The following KCNQ1 variants were observed in gnomAD, a reference collection of about 807,000 sequenced individuals.
The protein encoded by KCNQ1 is potassium voltage-gated channel subfamily KQT member 1.
KCNQ1 carries 49 observed loss-of-function variants against 72.4 expected under a neutral mutation model. The ratio of observed to expected loss-of-function variants is 0.68; its 90% confidence interval spans 0.54 to 0.86. The LOEUF is 0.86. Among genes scored for constraint, KCNQ1 ranks in the 40% least tolerant of loss-of-function variants. The probability of loss-of-function intolerance (pLI) is 0.00; values close to 1 mark genes in which losing one functional copy is unlikely to be tolerated. For missense variants in KCNQ1, 790 were observed against 945.1 expected, an observed-to-expected ratio of 0.84 and a Z score of 2.15; for synonymous variants, 450 against 412.6, an observed-to-expected ratio of 1.09 and a Z score of -1.10.
chr11:2,507,698 G>A lies in KCNQ1; in HGVS notation c.387-20230G>A, dbSNP rs1444830450. Among the ~76,000 whole-genome samples the A allele has an allele frequency of 1.3e-5, 2 of 152,080 alleles. No homozygotes were observed. Among genetic ancestry groups the A allele is most frequent in the South Asian group, 2.1e-4 (1 of 4,830 alleles). On this transcript the variant is annotated intron_variant, in intron 1 of 15. Transcript: ENST00000155840. This position sits in a 1 kb window ranked among gnomAD's most constrained non-coding sequence, Gnocchi z 5.4. Reference sequence around the variant, plus strand: ...GGTGGGAGCTCTGGGGAGAGAGTGCGGGCTGGGCTCACAAGTTAGGGGAGG... The same window carrying A: ...GGTGGGAGCTCTGGGGAGAGAGTGCAGGCTGGGCTCACAAGTTAGGGGAGG...
chr11:2,843,934 G>A (rs1230223736), intron 15 of KCNQ1, among the ~76,000 whole-genome samples: 1 of 152,206 alleles, frequency 6.6e-6, no homozygotes. Context: ...TGGAGGCTGA[G>A]ATCCCCAAAA....
intron 11 of KCNQ1, among the ~76,000 whole-genome samples, chr11:2,740,935 T>G (rs1054583590): frequency 3.3e-5 from 5 of 152,238 alleles, no homozygotes; most frequent in African/African-American, 9.6e-5. Context: ...GATCAGCTGC[T>G]TGGCTGCCTG....
chr11:2,618,551 T>G lies in KCNQ1; in HGVS notation c.1393+29697T>G, dbSNP rs1849108940. On this transcript the variant is annotated intron_variant, in intron 10 of 15. Coordinates refer to ENST00000155840, the MANE Select transcript of KCNQ1 (RefSeq NM_000218.3). The stretch of plus-strand genomic sequence containing the variant: ...TTCTGGGCTCTCTATTCTGTTCCAC[T>G]GGTCTACATGTTTGTTTTTTATGCC... 2.5e-5 allele frequency: 10 copies of G among 398,620 alleles called. No individual in the cohort carries two copies. In the East Asian group the frequency reaches 3.6e-4, roughly 14 times the overall value. 24.7% of individuals were successfully genotyped at this position (398,620 alleles called of 1,614,324 possible).
At chr11:2,829,733 T>C (rs1173386718) in intron 15 of KCNQ1, among the ~76,000 whole-genome samples, 3 of 152,006 alleles carry the variant, frequency 2.0e-5, no homozygotes, top group Non-Finnish European at 2.9e-5. Flanking sequence ...ATGTGTAGTT[T>C]GGAAATGCCA....
intron 10 of KCNQ1, chr11:2,633,294 G>C (rs1849394604): frequency 5.0e-6 from 2 of 398,444 alleles, no homozygotes; most frequent in Non-Finnish European, 8.8e-6. Flanking sequence ...TTAATCCCTT[G>C]TCAGATGAAT....
intron 2 of KCNQ1, among the ~76,000 whole-genome samples, chr11:2,568,682 ACTGGAGCAGGTCCTGTT>A (rs1422623745): frequency 1.3e-5 from 2 of 152,116 alleles, no homozygotes; most frequent in Non-Finnish European, 2.9e-5. Context: ...TTGAGCACTG[ACTGGAGCAGGTCCTGTT>A]CTGGGGCCTG....
rs764769492 is a variant in KCNQ1, at chr11:2,569,030, C to T, written c.478-1598C>T. Among the ~76,000 whole-genome samples, 5 of 152,200 alleles carry T rather than the reference C, an allele frequency of 3.3e-5. No homozygotes were observed. In the East Asian group the frequency reaches 7.7e-4, roughly 24 times the overall value. ...CTCCTGAGTAGCTGGGATTACAGGG[C>T]GTGCGCCACCATGCCAGGCTAATTT... On this transcript the variant is annotated intron_variant, in intron 2 of 15. Coordinates refer to ENST00000155840, the MANE Select transcript of KCNQ1 (RefSeq NM_000218.3).
intron 10 of KCNQ1, chr11:2,633,185 A>G (rs890970366): frequency 1.8e-5 from 7 of 398,396 alleles, no homozygotes; most frequent in African/African-American, 1.2e-4. Context: ...ATTTTTTCAC[A>G]TACCTGTTGG....
In KCNQ1 at chr11:2,848,301, G is replaced by C; in HGVS notation, c.*298G>C. On this transcript the variant is annotated 3_prime_UTR_variant, in exon 16 of 16. Coordinates refer to ENST00000155840, the MANE Select transcript of KCNQ1 (RefSeq NM_000218.3). ...CTGGCATGGTGGTTGGGACCCAGTG[G>C]CAGGGCACAGGGCCTGGCCCATGTA... 1 of 624,462 alleles carries C rather than the reference G, an allele frequency of 1.6e-6. No individual in the cohort carries two copies. 38.7% of individuals were successfully genotyped at this position (624,462 alleles called of 1,614,324 possible). A position where few individuals can be genotyped will look rare whatever the true frequency, so the allele number is the denominator to read the frequency against.
rs951594169 is a variant in KCNQ1 at position 2,785,597 on chromosome 11, A to G, written c.1794+7560A>G. On this transcript the variant is annotated intron_variant, in intron 15 of 15. Coordinates refer to ENST00000155840, the MANE Select transcript of KCNQ1 (RefSeq NM_000218.3). The surrounding 1 kb of genome is among the most constrained non-coding windows in gnomAD (Gnocchi z 4.4). ...AACACTGTATTACTGAGTTTTTAAA[A>G]AATCATTTAATACATTTATATTTAA... Among the ~76,000 whole-genome samples the G allele has an allele frequency of 8.6e-5, 13 of 151,258 alleles. No individual in the cohort carries two copies. Among genetic ancestry groups the G allele is most frequent in the African/African-American group, 2.9e-4 (12 of 41,326 alleles).
intron 1 of KCNQ1, among the ~76,000 whole-genome samples, chr11:2,527,159 G>GGC (rs1272047770): frequency 1.3e-5 from 2 of 152,188 alleles, no homozygotes; most frequent in Non-Finnish European, 2.9e-5. Flanking sequence ...CCCAGGGTGG[G>GGC]GCTCTGTGCG....
intron 15 of KCNQ1, among the ~76,000 whole-genome samples, chr11:2,833,765 C>G (rs575593597): frequency 6.6e-6 from 1 of 152,224 alleles, no homozygotes; most frequent in South Asian, 2.1e-4. Flanking sequence ...TGCCCCGAGA[C>G]GGGACCGAGA....
intron 10 of KCNQ1, chr11:2,628,502 T>C: frequency 2.5e-6 from 1 of 398,478 alleles, no homozygotes; most frequent in Non-Finnish European, 4.4e-6. Flanking sequence ...ATTAAGTTTT[T>C]TTGCTAGTTA....
intron 11 of KCNQ1, chr11:2,681,820 A>G (rs938073492): frequency 5.0e-5 from 20 of 398,406 alleles, no homozygotes; most frequent in African/African-American, 4.1e-4. Flanking sequence ...GGTTATGGTC[A>G]TATCATCCAT....
chr11:2,611,020 TTCTC>T lies in KCNQ1; in HGVS notation c.1393+22170_1393+22173del, dbSNP rs915201956. 4 of 398,338 alleles carry T rather than the reference TTCTC, an allele frequency of 1.0e-5. No homozygotes were observed. The highest frequency in any genetic ancestry group is 6.2e-4 in the Middle Eastern group (1 of 1,610). 24.7% of individuals were successfully genotyped at this position (398,338 alleles called of 1,614,324 possible). A position where few individuals can be genotyped will look rare whatever the true frequency, so the allele number is the denominator to read the frequency against. ...TGTCTATTATTGTTCAGTTGTCTGT[TTCTC>T]TCTTCATTTCTGACAGTTTTATTTC... On this transcript the variant is annotated intron_variant, in intron 10 of 15. Coordinates refer to ENST00000155840, the MANE Select transcript of KCNQ1 (RefSeq NM_000218.3). The surrounding 1 kb of genome is among the most constrained non-coding windows in gnomAD (Gnocchi z 5.3).
rs772826661 is a variant in KCNQ1, at chr11:2,617,723, A to G, written c.1393+28869A>G. ...TAACCCTAGCCAACACTTAATAGCT[A>G]TTCTCATGAGTGTGAGGTGATATCG... On this transcript the variant is annotated intron_variant, in intron 10 of 15. Coordinates refer to ENST00000155840, the MANE Select transcript of KCNQ1 (RefSeq NM_000218.3). This position sits in a 1 kb window ranked among gnomAD's most constrained non-coding sequence, Gnocchi z 4.6. 7 of 398,406 alleles carry G rather than the reference A, an allele frequency of 1.8e-5. No homozygotes were observed. Among genetic ancestry groups the G allele is most frequent in the Admixed American group, 4.4e-5 (1 of 22,706 alleles). The allele number at this position is 398,406 out of a possible 1,614,324, so 24.7% of individuals were successfully genotyped here.
chr11:2,503,793 C>T (rs1847055183), intron 1 of KCNQ1, among the ~76,000 whole-genome samples: 1 of 152,158 alleles, frequency 6.6e-6, no homozygotes, highest in South Asian at 2.1e-4. Flanking sequence ...ATGACCCCAC[C>T]CTGGTCAATA....
Position 2,703,452 on chromosome 11 carries a change from G to A in KCNQ1, c.1514+41371G>A, listed in dbSNP as rs1386768229. Among the ~76,000 whole-genome samples the A allele has an allele frequency of 6.6e-6, 1 of 152,182 alleles. No homozygotes were observed. Among genetic ancestry groups the A allele is most frequent in the Non-Finnish European group, 1.5e-5 (1 of 68,028 alleles). ...ACTCCCTCCAGCTTTACTCTTTGGG[G>A]TTCAAAAGGTTCCCTTGCAAGCCTG... On this transcript the variant is annotated intron_variant, in intron 11 of 15. Transcript: ENST00000155840. This position sits in a 1 kb window ranked among gnomAD's most constrained non-coding sequence, Gnocchi z 6.4.
intron 10 of KCNQ1, chr11:2,649,061 A>C (rs1365902489): frequency 2.7e-6 from 1 of 363,850 alleles, no homozygotes; most frequent in Non-Finnish European, 4.6e-6. Flanking sequence ...GTTTGTGTGG[A>C]ATATCTTTTT....
Sources: gnomAD v4.1 joint callset for allele counts (sites outside exome capture counted in the v4.1 genomes callset) on GRCh38, gnomAD v4.1.1 for gene constraint, Gnocchi (gnomAD v3.1) non-coding constraint, MANE v1.5 for transcripts, NCBI Gene and HGNC (gene_info 2026-07-23, HGNC 2026-07-21) for gene names.